MCM3: variants seen among roughly 807,000 people sequenced by gnomAD.
MCM3 encodes minichromosome maintenance complex component 3.
MCM3 carries 59 observed loss-of-function variants against 91.3 expected under a neutral mutation model. The observed-to-expected ratio is 0.65, with a 90% CI of 0.52 to 0.80. The LOEUF (loss-of-function observed/expected upper bound fraction) is 0.80, where lower values mean the gene tolerates loss of function less well. MCM3 is among the 30% of genes least tolerant of loss of function. The probability of loss-of-function intolerance (pLI) is 0.00; values close to 1 mark genes in which losing one functional copy is unlikely to be tolerated. For synonymous variants in MCM3, 383 were observed against 379.6 expected, an observed-to-expected ratio of 1.01 and a Z score of -0.10; for missense variants, 919 against 1,035.4, an observed-to-expected ratio of 0.89 and a Z score of 1.54.
At chr6:52,277,234 C>T in intron 7 of MCM3, 36 bp from the exon 8 acceptor site, 1 of 1,594,286 alleles carries the variant, frequency 6.3e-7, no homozygotes, top group Non-Finnish European at 8.6e-7. Context: ...CTCTAGGAAA[C>T]TCCCCAGCAC....
chr6:52,270,300 G>A (rs1765004212), intron 12 of MCM3, among the ~76,000 whole-genome samples: 1 of 141,064 alleles, frequency 7.1e-6, no homozygotes, highest in African/African-American at 2.7e-5. Flanking sequence ...CTGCACTCCA[G>A]CCTGGGCAAC....
At chr6:52,278,604 G>C (rs1011281136) in intron 6 of MCM3, 138 bp downstream of exon 6, 1 of 581,060 alleles carries the variant, frequency 1.7e-6, no homozygotes, top group Non-Finnish European at 3.0e-6. Flanking sequence ...CCCTTCATTT[G>C]TTGATTGAGA....
rs1250026867 is a variant in MCM3 at position 52,282,879 on chromosome 6, A to T, written c.192-18T>A. On this transcript the variant is annotated intron_variant, in intron 2 of 16. Transcript: ENST00000596288. ...TCAGAAGCCTGTACATAAGCAAGAG[A>T]AAGAAAAATTAGACTGGGCAGAACT... is the stretch of plus-strand genomic sequence containing the variant. 3.7e-6 allele frequency: 6 copies of T among 1,607,324 alleles called. No homozygotes were observed. Among genetic ancestry groups the T allele is most frequent in the Non-Finnish European group, 5.1e-6 (6 of 1,174,896 alleles).
At chr6:52,280,772 G>A (rs1346540089) in intron 4 of MCM3, among the ~76,000 whole-genome samples, 5 of 152,304 alleles carry the variant, frequency 3.3e-5, no homozygotes, top group African/African-American at 1.2e-4. Context: ...AATACAACTG[G>A]CATGAATTAA....
chr6:52,281,742 G>C (rs1228244203), intron 4 of MCM3, among the ~76,000 whole-genome samples: 1 of 152,112 alleles, frequency 6.6e-6, no homozygotes, highest in African/African-American at 2.4e-5. Flanking sequence ...AACTACTTGG[G>C]AGGATCACTT....
Position 52,279,500 on chromosome 6 carries a change from C to T in MCM3, c.631G>A (p.Gly211Ser), listed in dbSNP as rs1489016474. Reference sequence around the variant, plus strand: ...ACGTCCACAGAGCGGGGGAGCTGGCCGGCTGGGGCCTTCTCCGGCATCTCC... The same window carrying T: ...ACGTCCACAGAGCGGGGGAGCTGGCTGGCTGGGGCCTTCTCCGGCATCTCC... ...IQEMPEKAPAGQLPRSVDVIL... is the reference protein window; with the variant it reads ...IQEMPEKAPASQLPRSVDVIL... Residue 211 changes from glycine to serine, a missense_variant, in exon 5 of 17, where the codon GGC becomes AGC. Gly to Ser is a moderately conservative substitution (Grantham distance 56). This residue lies in a region of MCM3 where 401 missense variants were observed against 402.7 expected (regional missense o/e 1.00). Coordinates refer to ENST00000596288, the MANE Select transcript of MCM3 (RefSeq NM_002388.6). 15 of 1,614,004 alleles carry T rather than the reference C, an allele frequency of 9.3e-6. 1 individual carries two copies. The Admixed American group carries it at 1.2e-4, about 13-fold the overall frequency.
At chr6:52,274,591 G>A (rs1004466362) in intron 9 of MCM3, among the ~76,000 whole-genome samples, 1 of 152,002 alleles carries the variant, frequency 6.6e-6, no homozygotes, top group African/African-American at 2.4e-5. Context: ...AAGTGGCTGA[G>A]GTGGGAGGAT....
rs747683801 is a variant in MCM3 at position 52,272,334 on chromosome 6, G to A, written c.1794C>T (p.Arg598=). Residue 598 remains arginine (R), a synonymous_variant, in exon 12 of 17, where the codon CGC becomes CGT. Transcript: ENST00000596288. ...TYIAEEYSRL[R]SQDSMSSDTA... is the part of the protein sequence containing the mutation. ...TGTCTGAGCTCATGCTATCCTGGCT[G>A]CGCAGGCGTGAATACTCTTCTGCAA... is the stretch of plus-strand genomic sequence containing the variant. 1.2e-6 allele frequency: 2 copies of A among 1,614,182 alleles called. No homozygotes were observed. The highest frequency in any genetic ancestry group is 1.7e-6 in the Non-Finnish European group (2 of 1,180,028).
intron 2 of MCM3, 118 bp from the exon 3 acceptor site, chr6:52,282,979 C>A: frequency 1.3e-6 from 1 of 746,900 alleles, no homozygotes; most frequent in Non-Finnish European, 2.2e-6. Flanking sequence ...CTTCTGCTTT[C>A]TCCTATAAGT....
intron 12 of MCM3, among the ~76,000 whole-genome samples, chr6:52,271,645 C>CAAAACAAAAACA (rs550690186): frequency 6.6e-6 from 1 of 151,862 alleles, no homozygotes; most frequent in Non-Finnish European, 1.5e-5. Flanking sequence ...TCTGTCTCAC[C>CAAAACAAAAACA]AAAACAAAAA....
chr6:52,279,865 T>G (rs757654885), intron 4 of MCM3, among the ~76,000 whole-genome samples: 1 of 152,200 alleles, frequency 6.6e-6, no homozygotes, highest in Non-Finnish European at 1.5e-5. Context: ...GAATATATGC[T>G]TACATTCTGA....
chr6:52,273,173 G>T (rs1468905630), intron 11 of MCM3, 57 bp downstream of exon 11: 4 of 1,605,924 alleles, frequency 2.5e-6, no homozygotes, highest in Non-Finnish European at 3.4e-6. Flanking sequence ...ATATACACAT[G>T]CTCTAATATA....
At chr6:52,281,236 G>C (rs1453488113) in intron 4 of MCM3, among the ~76,000 whole-genome samples, 1 of 152,178 alleles carries the variant, frequency 6.6e-6, no homozygotes, top group Non-Finnish European at 1.5e-5. Context: ...TATTTGTAAA[G>C]ATTACATAAC....
chr6:52,275,307 T>C (rs1447364396), intron 9 of MCM3, among the ~76,000 whole-genome samples: 1 of 152,232 alleles, frequency 6.6e-6, no homozygotes, highest in African/African-American at 2.4e-5. Flanking sequence ...TGGGCTCAAA[T>C]CCTGGCTCTG....
rs550036641 is a variant in MCM3, at chr6:52,281,921, G to A, written c.531+124C>T. On this transcript the variant is annotated intron_variant, in intron 4 of 16. Transcript: ENST00000596288. ...CTGGCCTGCAATCAATCTTTCCTTTGGATTAATCCTTATTTTTCACCCTTT... is the reference window on the plus strand; with the variant it reads ...CTGGCCTGCAATCAATCTTTCCTTTAGATTAATCCTTATTTTTCACCCTTT... 6.9e-5 allele frequency: 63 copies of A among 910,232 alleles called. No homozygotes were observed. In the South Asian group the frequency reaches 1.3e-3, roughly 19 times the overall value. The allele number at this position is 910,232 out of a possible 1,614,324, so 56.4% of individuals were successfully genotyped here. A position where few individuals can be genotyped will look rare whatever the true frequency, so the allele number is the denominator to read the frequency against.
At chr6:52,274,068 AT>A in intron 9 of MCM3, 152 bp from the exon 10 acceptor site, 1 of 603,866 alleles carries the variant, frequency 1.7e-6, no homozygotes, top group East Asian at 2.9e-5. Flanking sequence ...TTTTAAAGCC[AT>A]TAAACAATGT....
chr6:52,267,777 C>T (rs565985799), intron 14 of MCM3, 88 bp downstream of exon 14: 161 of 713,634 alleles, frequency 2.3e-4, no homozygotes, highest in Admixed American at 1.7e-3. Flanking sequence ...CCACCCGCCT[C>T]GGCCTCCCAA....
chr6:52,269,221 A>T lies in MCM3; in HGVS notation c.1833T>A (p.Ser611=). ...TTTCCAGTGTTCGGGCTGTAACTGG[A>T]GATGTCTAGGGAAGAAAAGGGAGGA... The part of the protein sequence containing the change: ...DSMSSDTART[S]PVTARTLETL... Residue 611 remains serine, a synonymous_variant, in exon 13 of 17, where the codon TCT becomes TCA. Coordinates refer to ENST00000596288, the MANE Select transcript of MCM3 (RefSeq NM_002388.6). The T allele has an allele frequency of 6.2e-7, 1 of 1,610,248 alleles. No homozygotes were observed. The highest frequency in any genetic ancestry group is 2.2e-5 in the East Asian group (1 of 44,764).
chr6:52,266,621 T>A lies in MCM3; in HGVS notation c.2148A>T (p.Glu716Asp). Residue 716 changes from glutamate (E) to aspartate (D), a missense_variant, in exon 15 of 17, where the codon GAA becomes GAT. Physicochemically the swap from Glu to Asp is conservative, Grantham distance 45. Coordinates refer to ENST00000596288, the MANE Select transcript of MCM3 (RefSeq NM_002388.6). ...DPYDFSDTEEEMPQVHTPKTA... is the reference protein window; with the variant it reads ...DPYDFSDTEEDMPQVHTPKTA... The stretch of plus-strand genomic sequence containing the variant: ...AGTGGGCTCACTCACCTTGAGGCAT[T>A]TCCTCCTCTGTGTCACTGAAGTCAT... 6.2e-7 allele frequency: 1 copy of A among 1,614,046 alleles called. No individual in the cohort carries two copies. Among genetic ancestry groups the A allele is most frequent in the Middle Eastern group, 1.7e-4 (1 of 6,060 alleles).
Sources: gnomAD v4.1 joint callset for allele counts (sites outside exome capture counted in the v4.1 genomes callset) on GRCh38, gnomAD v4.1.1 for gene constraint, gnomAD v4.1.1 regional missense constraint, MANE v1.5 for transcripts, NCBI Gene and HGNC (gene_info 2026-07-23, HGNC 2026-07-21) for gene names.